PIKFYVE: variants seen among roughly 807,000 people sequenced by gnomAD.
The protein encoded by PIKFYVE is 1-phosphatidylinositol 3-phosphate 5-kinase.
Under a neutral mutation model 257.9 loss-of-function variants are expected in PIKFYVE, and 122 were observed. The observed-to-expected ratio is 0.47, with a 90% CI of 0.41 to 0.55. The LOEUF (loss-of-function observed/expected upper bound fraction) is 0.55. Among genes scored for constraint, PIKFYVE ranks in the 20% least tolerant of loss-of-function variants. PIKFYVE has a pLI of 0.00. For synonymous variants in PIKFYVE, 892 were observed against 868.9 expected (o/e 1.03, Z -0.47); for missense variants, 2,160 against 2,536.6 (o/e 0.85, Z 3.19).
chr2:208,276,121 T>C (rs984146455), intron 3 of PIKFYVE, among the ~76,000 whole-genome samples: 4 of 152,192 alleles, frequency 2.6e-5, no homozygotes, highest in African/African-American at 9.6e-5. Flanking sequence ...TTTAATTTGC[T>C]TGGACATAGG....
chr2:208,348,599 A>AAGTGTGTGT (rs559057437), intron 35 of PIKFYVE, among the ~76,000 whole-genome samples: 51 of 129,000 alleles, frequency 4.0e-4, no homozygotes, highest in African/African-American at 1.5e-3. Context: ...AAAAAAAAAA[A>AAGTGTGTGT]GTGTGTGTGT....
intron 17 of PIKFYVE, among the ~76,000 whole-genome samples, chr2:208,322,727 A>T (rs4293511): frequency 4.0e-5 from 6 of 150,926 alleles, no homozygotes; most frequent in Non-Finnish European, 5.9e-5. Context: ...TTTAAGTTCT[A>T]GGGTACATGT....
intron 20 of PIKFYVE, 43 bp downstream of exon 20, chr2:208,326,472 T>C: frequency 1.3e-6 from 2 of 1,589,906 alleles, no homozygotes; most frequent in Non-Finnish European, 8.6e-7. Context: ...ATTTAGGATG[T>C]GTTGAATGAC....
intron 31 of PIKFYVE, 38 bp downstream of exon 31, chr2:208,340,169 GTTATTTTTCCT>G: frequency 6.2e-7 from 1 of 1,609,254 alleles, no homozygotes; most frequent in South Asian, 1.1e-5. Flanking sequence ...TAGCAGGGGG[GTTATTTTTCCT>G]TAGTTGCTCG....
At chr2:208,346,008 T>G in intron 33 of PIKFYVE, 42 bp from the exon 34 acceptor site, 1 of 1,456,578 alleles carries the variant, frequency 6.9e-7, no homozygotes, top group Non-Finnish European at 9.6e-7. Flanking sequence ...CTGTTTGACT[T>G]GTATAAAACT....
intron 19 of PIKFYVE, 25 bp downstream of exon 19, chr2:208,325,062 A>C: frequency 6.2e-7 from 1 of 1,613,884 alleles, no homozygotes; most frequent in Non-Finnish European, 8.5e-7. Flanking sequence ...GCATAGATTG[A>C]CCTGAGGAAA....
At position 208,336,132 on chromosome 2, in the gene PIKFYVE, G is replaced by A. The variant is rs1272079505; in HGVS notation, c.4452G>A (p.Gln1484=). ...SSSVDTPQQL[Q]SVFESLIAKK... ...CTGTAGATACCCCTCAGCAACTGCAGTCGGTCTTTGAGTCACTCATTGCCA... is the reference window on the plus strand; with the variant it reads ...CTGTAGATACCCCTCAGCAACTGCAATCGGTCTTTGAGTCACTCATTGCCA... The change falls in exon 27 of 42, where the codon CAG becomes CAA. Residue 1484 remains glutamine (Q), a synonymous_variant. Coordinates refer to ENST00000264380, the MANE Select transcript of PIKFYVE (RefSeq NM_015040.4). The A allele has an allele frequency of 6.2e-7, 1 of 1,613,992 alleles. No homozygotes were observed. The highest frequency in any genetic ancestry group is 1.7e-5 in the Admixed American group (1 of 59,994).
chr2:208,274,430 G>A (rs1188348944), intron 3 of PIKFYVE, among the ~76,000 whole-genome samples: 2 of 152,172 alleles, frequency 1.3e-5, no homozygotes, highest in East Asian at 1.9e-4. Flanking sequence ...GTGGGAGGTG[G>A]CATGATAGAG....
At chr2:208,354,679 T>A in intron 41 of PIKFYVE, 34 bp downstream of exon 41, 1 of 1,533,104 alleles carries the variant, frequency 6.5e-7, no homozygotes, top group Non-Finnish European at 9.0e-7. Context: ...ATTGTTCACA[T>A]GTATTTCTTA....
Position 208,306,148 on chromosome 2 carries a change from A to G in PIKFYVE, c.1636+1135A>G, listed in dbSNP as rs145994292. 1.2e-3 allele frequency among the ~76,000 whole-genome samples: 185 copies of G among 152,366 alleles called. 1 individual carries two copies. The highest frequency in any genetic ancestry group is 4.3e-3 in the African/African-American group (177 of 41,580). On this transcript the variant is annotated intron_variant, in intron 12 of 41. Coordinates refer to ENST00000264380, the MANE Select transcript of PIKFYVE (RefSeq NM_015040.4). ...AATGGTACTGAAGAGTTATAGTAAT[A>G]AAAAGGAATATGTTATTTAAAAATA...
intron 9 of PIKFYVE, 146 bp from the exon 10 acceptor site, chr2:208,302,096 G>A (rs1026597244): frequency 2.7e-5 from 19 of 696,110 alleles, no homozygotes; most frequent in Admixed American, 8.8e-5. Context: ...TAACTCTCTC[G>A]TTTCGTCCTT....
At chr2:208,314,024 C>T (rs1695207982) in intron 13 of PIKFYVE, among the ~76,000 whole-genome samples, 2 of 152,164 alleles carry the variant, frequency 1.3e-5, no homozygotes, top group South Asian at 4.1e-4. Flanking sequence ...ATTTGATTTT[C>T]ACAGTTCTGT....
intron 3 of PIKFYVE, among the ~76,000 whole-genome samples, chr2:208,274,598 G>T (rs16840821): frequency 0.029 from 4,388 of 152,202 alleles, 197 homozygotes; most frequent in African/African-American, 0.099. Context: ...CAAAAGTAGA[G>T]TTTCTACCCG....
In PIKFYVE at chr2:208,325,763, G is replaced by A; in HGVS notation, c.2952G>A (p.Val984=). Residue 984 remains valine (V), a synonymous_variant, in exon 20 of 42, where the codon GTG becomes GTA. Transcript: ENST00000264380. ...PVPESLLPLP[V]DDQQDALGSE... is the part of the protein sequence containing the mutation. Reference sequence around the variant, plus strand: ...CGGAATCATTGTTGCCACTCCCTGTGGATGACCAACAAGATGCTTTAGGCA... The same window carrying A: ...CGGAATCATTGTTGCCACTCCCTGTAGATGACCAACAAGATGCTTTAGGCA... 5 of 1,613,806 alleles carry A rather than the reference G, an allele frequency of 3.1e-6. No homozygotes were observed. The highest frequency in any genetic ancestry group is 3.4e-6 in the Non-Finnish European group (4 of 1,179,850).
chr2:208,323,347 GAGAACATGTGGTGTTTGGTTTTT>G (rs1255209130), intron 17 of PIKFYVE, among the ~76,000 whole-genome samples: 32 of 137,106 alleles, frequency 2.3e-4, no homozygotes, highest in Admixed American at 5.8e-4. Context: ...ATGTATGAGT[GAGAACATGTGGTGTTTGGTTTTT>G]TGTCCTTGCG....
chr2:208,353,465 A>G (rs10177810), intron 39 of PIKFYVE, among the ~76,000 whole-genome samples: 22,250 of 151,890 alleles, frequency 0.15, 1,768 homozygotes, highest in African/African-American at 0.2. Flanking sequence ...TTCCTGTGTT[A>G]TGCTCTTCTA....
chr2:208,323,169 TTACATATGTATACATGTGCCGTG>T (rs915629607), intron 17 of PIKFYVE, among the ~76,000 whole-genome samples: 1 of 151,344 alleles, frequency 6.6e-6, no homozygotes, highest in Non-Finnish European at 1.5e-5. Context: ...TGCAGGTTAG[TTACATATGTATACATGTGCCGTG>T]CTGGTGTGCT....
chr2:208,291,026 AG>A (rs1477904835), intron 7 of PIKFYVE, among the ~76,000 whole-genome samples: 1 of 152,140 alleles, frequency 6.6e-6, no homozygotes, highest in Non-Finnish European at 1.5e-5. Context: ...TAAAACTTCT[AG>A]TCCAATGTTG....
At chr2:208,339,302 A>G (rs1698474081) in intron 29 of PIKFYVE, 116 bp from the exon 30 acceptor site, 2 of 1,265,568 alleles carry the variant, frequency 1.6e-6, no homozygotes, top group Non-Finnish European at 2.3e-6. Context: ...TGATTTTTAA[A>G]AAGTAAAAAT....
Sources: allele counts gnomAD v4.1 joint callset (sites outside exome capture counted in the v4.1 genomes callset), GRCh38; gene constraint gnomAD v4.1.1; transcripts MANE v1.5; gene names NCBI Gene and HGNC (gene_info 2026-07-23, HGNC 2026-07-21).